Variants in PCDH15 observed in about 807,000 individuals in gnomAD.
The protein encoded by PCDH15 is protocadherin-15.
A neutral mutation model predicts 178.5 loss-of-function variants in PCDH15; 129 were observed. The ratio of observed to expected loss-of-function variants is 0.72; its 90% CI spans 0.63 to 0.84. The LOEUF (loss-of-function observed/expected upper bound fraction) is 0.84, where lower values mean the gene tolerates loss of function less well. Among genes scored for constraint, PCDH15 ranks in the 40% least tolerant of loss-of-function variants. The pLI is 0.00. For synonymous variants in PCDH15, 800 were observed against 732.0 expected, an observed-to-expected ratio of 1.09 and a Z score of -1.50; for missense variants, 2,230 against 2,099.9, an observed-to-expected ratio of 1.06 and a Z score of -1.21.
chr10:54,461,107 G>T (rs1035133816), intron 3 of PCDH15, among the ~76,000 whole-genome samples: 4 of 151,558 alleles, frequency 2.6e-5, no homozygotes, highest in African/African-American at 9.7e-5. Flanking sequence ...ATTCATGCTC[G>T]ACTATGCAAT....
chr10:55,040,214 C>T (rs1290955482), intron 2 of PCDH15, among the ~76,000 whole-genome samples: 2 of 151,850 alleles, frequency 1.3e-5, no homozygotes, highest in Non-Finnish European at 2.9e-5. Context: ...AATAAGTAGG[C>T]GATAATTTGT....
intron 8 of PCDH15, among the ~76,000 whole-genome samples, chr10:54,297,812 G>A (rs551781195): frequency 6.2e-4 from 94 of 152,248 alleles, no homozygotes; most frequent in African/African-American, 2.2e-3. Flanking sequence ...CAGGGTCTAG[G>A]GCAAGCCTTT....
chr10:54,237,881 C>A (rs1038262020), intron 8 of PCDH15, among the ~76,000 whole-genome samples: 31 of 152,160 alleles, frequency 2.0e-4, no homozygotes, highest in Admixed American at 2.0e-4. Flanking sequence ...AACTGTACTG[C>A]AAATCTTTTC....
intron 2 of PCDH15, among the ~76,000 whole-genome samples, chr10:54,641,267 C>T (rs2093980989): frequency 6.6e-6 from 1 of 152,048 alleles, no homozygotes; most frequent in South Asian, 2.1e-4. Flanking sequence ...ACAAAATAAT[C>T]ACTTCTATAA....
intron 14 of PCDH15, among the ~76,000 whole-genome samples, chr10:54,147,589 A>C (rs2044113605): frequency 6.6e-6 from 1 of 151,938 alleles, no homozygotes; most frequent in Non-Finnish European, 1.5e-5. Context: ...TTGGCCACAT[A>C]TAGATCAGAC....
At chr10:53,971,129 C>A (rs2089636821) in intron 21 of PCDH15, among the ~76,000 whole-genome samples, 1 of 152,136 alleles carries the variant, frequency 6.6e-6, no homozygotes, top group Non-Finnish European at 1.5e-5. Flanking sequence ...AAGGCTGGTT[C>A]AACATACGCA....
intron 1 of PCDH15, among the ~76,000 whole-genome samples, chr10:54,790,205 A>G (rs1055720776): frequency 6.6e-6 from 1 of 151,822 alleles, no homozygotes; most frequent in African/African-American, 2.4e-5. Flanking sequence ...GCTTGAGTAC[A>G]GGAATGTCTA....
At chr10:54,309,400 G>A (rs1438502526) in intron 8 of PCDH15, among the ~76,000 whole-genome samples, 3 of 151,590 alleles carry the variant, frequency 2.0e-5, no homozygotes, top group Non-Finnish European at 2.9e-5. Context: ...AATTGAGACT[G>A]AGAGGACAAG....
At chr10:53,948,195 A>G (rs990763605) in intron 23 of PCDH15, among the ~76,000 whole-genome samples, 2 of 152,140 alleles carry the variant, frequency 1.3e-5, no homozygotes, top group African/African-American at 4.8e-5. Context: ...TAATTATTAT[A>G]GAGGGCCCTT....
At chr10:55,017,783 A>T (rs1840219154) in intron 2 of PCDH15, among the ~76,000 whole-genome samples, 1 of 152,090 alleles carries the variant, frequency 6.6e-6, no homozygotes, top group Admixed American at 6.5e-5. Flanking sequence ...TTATAATGGG[A>T]TAGTATACCT....
At chr10:54,908,158 C>A (rs1451958392) in intron 2 of PCDH15, among the ~76,000 whole-genome samples, 1 of 152,182 alleles carries the variant, frequency 6.6e-6, no homozygotes, top group East Asian at 1.9e-4. Context: ...AGGCTGTGCT[C>A]AACTCTGCTA....
At chr10:54,510,849 TAA>T (rs1341740970) in intron 3 of PCDH15, among the ~76,000 whole-genome samples, 1 of 152,156 alleles carries the variant, frequency 6.6e-6, no homozygotes, top group Non-Finnish European at 1.5e-5. Context: ...CCATCTAACA[TAA>T]AAATGTGATA....
chr10:54,332,615 T>C (rs1487458570), intron 6 of PCDH15, among the ~76,000 whole-genome samples: 3 of 151,562 alleles, frequency 2.0e-5, no homozygotes, highest in Non-Finnish European at 4.4e-5. Context: ...AAGTCTTTGA[T>C]GTGATCTCAC....
intron 2 of PCDH15, among the ~76,000 whole-genome samples, chr10:55,069,936 C>A (rs1421744042): frequency 6.6e-6 from 1 of 152,086 alleles, no homozygotes; most frequent in Non-Finnish European, 1.5e-5. Flanking sequence ...CTGTCCAGCA[C>A]CTGTTGTTTC....
intron 2 of PCDH15, chr10:54,655,120 A>T (rs1039242618): frequency 6.6e-6 from 1 of 152,496 alleles, no homozygotes; most frequent in Non-Finnish European, 1.5e-5. Context: ...CCGAGGCAGG[A>T]GAATGGCGTG....
chr10:54,071,031 A>G (rs2094231854), intron 17 of PCDH15, among the ~76,000 whole-genome samples: 1 of 152,212 alleles, frequency 6.6e-6, no homozygotes, highest in Non-Finnish European at 1.5e-5. Context: ...ACATACATTA[A>G]GAGTATCTTA....
chr10:54,728,324 C>G (rs1942863729), intron 1 of PCDH15, among the ~76,000 whole-genome samples: 1 of 151,442 alleles, frequency 6.6e-6, no homozygotes, highest in Admixed American at 6.6e-5. Flanking sequence ...ATAAACAGAA[C>G]TATAAACCAA....
At chr10:54,638,875 G>GTT (rs139148497) in intron 2 of PCDH15, among the ~76,000 whole-genome samples, 2 of 150,618 alleles carry the variant, frequency 1.3e-5, no homozygotes, top group African/African-American at 4.9e-5. Context: ...ACGAAATTAT[G>GTT]TTTTTTTTTG....
intron 25 of PCDH15, chr10:53,906,986 C>T (rs1312730773): frequency 6.6e-6 from 1 of 151,918 alleles, no homozygotes; most frequent in Non-Finnish European, 1.5e-5. Context: ...TGTAGTGTGT[C>T]TACTTAAAGA....
Sources: gnomAD v4.1 joint callset for allele counts (sites outside exome capture counted in the v4.1 genomes callset) on GRCh38, gnomAD v4.1.1 for gene constraint, MANE v1.5 for transcripts, NCBI Gene and HGNC (gene_info 2026-07-23, HGNC 2026-07-21) for gene names.